The following CNBD1 variants were observed in gnomAD, a reference collection of about 807,000 sequenced individuals.
CNBD1 encodes the protein cyclic nucleotide-binding domain-containing protein 1.
A neutral mutation model predicts 54.4 loss-of-function variants in CNBD1; 71 were observed. The observed-to-expected ratio is 1.30, with a 90% confidence interval of 1.08 to 1.59. The LOEUF (loss-of-function observed/expected upper bound fraction) is 1.59, where lower values mean the gene tolerates loss of function less well. Among genes scored for constraint, CNBD1 ranks in the 40% most tolerant of loss-of-function variants. CNBD1 has a pLI of 0.00. For synonymous variants in CNBD1, 182 were observed against 170.7 expected, an observed-to-expected ratio of 1.07 and a Z score of -0.51; for missense variants, 659 against 518.0, an observed-to-expected ratio of 1.27 and a Z score of -2.64.
chr8:87,046,323 A>C (rs1810189819), intron 4 of CNBD1, among the ~76,000 whole-genome samples: 1 of 152,140 alleles, frequency 6.6e-6, no homozygotes, highest in African/African-American at 2.4e-5. Context: ...TGTTGTGTGC[A>C]TGTCCTCCCC....
chr8:87,213,490 G>C (rs1346667998), intron 5 of CNBD1, among the ~76,000 whole-genome samples: 1 of 152,126 alleles, frequency 6.6e-6, no homozygotes, highest in East Asian at 1.9e-4. Flanking sequence ...GCAGACAAGA[G>C]AGAATGAGAC....
chr8:87,220,937 C>T (rs2130808781), intron 5 of CNBD1, among the ~76,000 whole-genome samples: 1 of 152,148 alleles, frequency 6.6e-6, no homozygotes, highest in African/African-American at 2.4e-5. Flanking sequence ...TTGCTGCATT[C>T]TAAATTTTAA....
At chr8:86,891,693 A>G (rs1216868960) in intron 2 of CNBD1, among the ~76,000 whole-genome samples, 1 of 152,196 alleles carries the variant, frequency 6.6e-6, no homozygotes, top group Admixed American at 6.5e-5. Flanking sequence ...ACATTTTAAC[A>G]ATATTAATTC....
In CNBD1 at chr8:87,163,183, A is replaced by G. The variant is rs1261140387; in HGVS notation, c.432-42810A>G. The stretch of plus-strand genomic sequence containing the variant: ...AAAAGTAGATTGAACTAACAAATGT[A>G]CAATATTTTGGTATTAATAACATCT... On this transcript the variant is annotated intron_variant, in intron 4 of 10. Coordinates refer to ENST00000518476, the MANE Select transcript of CNBD1 (RefSeq NM_173538.3). This position sits in a 1 kb window ranked among gnomAD's most constrained non-coding sequence, Gnocchi z 4.5. Among the ~76,000 whole-genome samples, 1 of 152,118 alleles carries G rather than the reference A, an allele frequency of 6.6e-6. No homozygotes were observed. The highest frequency in any genetic ancestry group is 2.4e-5 in the African/African-American group (1 of 41,446).
chr8:87,210,109 G>A (rs1324542893), intron 5 of CNBD1, among the ~76,000 whole-genome samples: 2 of 152,178 alleles, frequency 1.3e-5, no homozygotes, highest in Admixed American at 1.3e-4. Context: ...GAGATAAATG[G>A]TGTTTGAATT....
intron 2 of CNBD1, among the ~76,000 whole-genome samples, chr8:86,890,068 A>G (rs1430593410): frequency 6.6e-6 from 1 of 152,114 alleles, no homozygotes; most frequent in African/African-American, 2.4e-5. Flanking sequence ...AATATGTTTA[A>G]TATATCCATC....
At chr8:87,293,922 A>T (rs896201341) in intron 8 of CNBD1, among the ~76,000 whole-genome samples, 4 of 152,218 alleles carry the variant, frequency 2.6e-5, no homozygotes, top group Admixed American at 2.6e-4. Context: ...AATCAGATGC[A>T]TATTCATGAA....
chr8:87,229,915 C>A (rs573986513), intron 5 of CNBD1, among the ~76,000 whole-genome samples: 8 of 152,122 alleles, frequency 5.3e-5, no homozygotes, highest in African/African-American at 1.9e-4. Flanking sequence ...ATGTATTAGT[C>A]CGTTTTCACG....
At chr8:86,926,507 G>C (rs1447922216) in intron 3 of CNBD1, among the ~76,000 whole-genome samples, 1 of 152,186 alleles carries the variant, frequency 6.6e-6, no homozygotes, top group Non-Finnish European at 1.5e-5. Context: ...CAAGATGGCT[G>C]TCATGGGACC....
At chr8:87,045,185 T>C (rs1810155539) in intron 4 of CNBD1, among the ~76,000 whole-genome samples, 8 of 151,922 alleles carry the variant, frequency 5.3e-5, no homozygotes, top group Admixed American at 5.2e-4. Flanking sequence ...CTACTTGGAG[T>C]TTAATAGCCT....
chr8:86,884,629 T>G (rs1486873161), intron 1 of CNBD1, among the ~76,000 whole-genome samples: 2 of 152,202 alleles, frequency 1.3e-5, no homozygotes, highest in Non-Finnish European at 2.9e-5. Context: ...TTAGTCATGC[T>G]TATTGTCTCT....
At chr8:87,083,852 T>A (rs1811047143) in intron 4 of CNBD1, among the ~76,000 whole-genome samples, 1 of 152,058 alleles carries the variant, frequency 6.6e-6, no homozygotes. Context: ...CCTCCCAAAG[T>A]GCTGGGATTA....
chr8:87,308,602 A>C (rs527341174), intron 8 of CNBD1, among the ~76,000 whole-genome samples: 1 of 152,258 alleles, frequency 6.6e-6, no homozygotes, highest in African/African-American at 2.4e-5. Context: ...GAAACATTTC[A>C]AATCTTCTCT....
At chr8:87,094,478 C>A (rs1269695851) in intron 4 of CNBD1, among the ~76,000 whole-genome samples, 1 of 148,816 alleles carries the variant, frequency 6.7e-6, no homozygotes, top group African/African-American at 2.5e-5. Flanking sequence ...TTCATGTTAG[C>A]ATATGAACTA....
chr8:87,414,466 T>C (rs1199317523), intron 2 of CNBD1, among the ~76,000 whole-genome samples: 1 of 152,062 alleles, frequency 6.6e-6, no homozygotes, highest in African/African-American at 2.4e-5. Flanking sequence ...GGCACATGTA[T>C]ACATATGTAA....
intron 2 of CNBD1, among the ~76,000 whole-genome samples, chr8:86,889,865 T>C (rs910435830): frequency 6.6e-6 from 1 of 152,140 alleles, no homozygotes; most frequent in Non-Finnish European, 1.5e-5. Flanking sequence ...CTTCTGATGA[T>C]TCAAAAAAAT....
At chr8:87,054,086 GAGCC>G (rs766850584) in intron 4 of CNBD1, among the ~76,000 whole-genome samples, 82 of 152,340 alleles carry the variant, frequency 5.4e-4, no homozygotes, top group African/African-American at 1.5e-3. Flanking sequence ...ATAAGACATG[GAGCC>G]AGATGTCTGA....
intron 6 of CNBD1, among the ~76,000 whole-genome samples, chr8:87,237,726 G>C (rs1412932122): frequency 6.6e-6 from 1 of 152,100 alleles, no homozygotes; most frequent in African/African-American, 2.4e-5. Flanking sequence ...GGGTGATCAA[G>C]ATGTTCAGAG....
chr8:86,948,781 C>G (rs1807532767), intron 4 of CNBD1, among the ~76,000 whole-genome samples: 1 of 152,038 alleles, frequency 6.6e-6, no homozygotes. Context: ...CTCATTTGTC[C>G]ATTTTTGCTT....
Sources: allele counts gnomAD v4.1 joint callset (sites outside exome capture counted in the v4.1 genomes callset), GRCh38; gene constraint gnomAD v4.1.1; non-coding constraint Gnocchi (gnomAD v3.1); transcripts MANE v1.5; gene names NCBI Gene and HGNC (gene_info 2026-07-23, HGNC 2026-07-21).